Variants in NCLN observed in about 807,000 individuals in gnomAD.
NCLN encodes BOS complex subunit NCLN.
In NCLN, 34 loss-of-function variants were observed where a neutral mutation model predicts 69.5. That is an observed-to-expected ratio of 0.49 (90% CI 0.37 to 0.65). The LOEUF (loss-of-function observed/expected upper bound fraction) is 0.65. Among genes scored for constraint, NCLN ranks in the 30% least tolerant of loss-of-function variants. The probability of loss-of-function intolerance (pLI) is 0.00; values close to 1 mark genes in which losing one functional copy is unlikely to be tolerated. For missense variants in NCLN, 710 were observed against 804.8 expected (o/e 0.88, Z 1.42); for synonymous variants, 393 against 358.3 (o/e 1.10, Z -1.09).
chr19:3,187,563 C>T (rs772673954), intron 1 of NCLN, among the ~76,000 whole-genome samples: 3 of 152,208 alleles, frequency 2.0e-5, no homozygotes, highest in Non-Finnish European at 2.9e-5. Context: ...CCCAGAGTTA[C>T]GATTTTTTTA....
intron 5 of NCLN, among the ~76,000 whole-genome samples, chr19:3,199,103 G>T (rs766623165): frequency 1.3e-5 from 2 of 152,200 alleles, no homozygotes; most frequent in Non-Finnish European, 2.9e-5. Flanking sequence ...CCCCGGGGTC[G>T]CAGGTTCCAG....
chr19:3,191,768 C>T (rs1915833124), intron 1 of NCLN, among the ~76,000 whole-genome samples: 3 of 152,228 alleles, frequency 2.0e-5, no homozygotes. Context: ...GGTTGAGACA[C>T]AGACCGGAAA....
chr19:3,199,030 C>T, intron 5 of NCLN, 133 bp downstream of exon 5: 1 of 563,114 alleles, frequency 1.8e-6, no homozygotes, highest in Non-Finnish European at 2.8e-6. Flanking sequence ...CTTTGCCCGT[C>T]ATCCTGGTCC....
chr19:3,201,486 G>A lies in NCLN; in HGVS notation c.697-37G>A, dbSNP rs759045056. 1.5e-5 allele frequency: 22 copies of A among 1,473,968 alleles called. No homozygotes were observed. In the African/African-American group the frequency reaches 1.5e-4, roughly 10 times the overall value. 91.3% of individuals were successfully genotyped at this position (1,473,968 alleles called of 1,614,324 possible). A position where few individuals can be genotyped will look rare whatever the true frequency, so the allele number is the denominator to read the frequency against. On this transcript the variant is annotated intron_variant, in intron 5 of 14. Coordinates refer to ENST00000246117, the MANE Select transcript of NCLN (RefSeq NM_020170.4). ...AGGTCATGGGGTGCGGGAGCCGGGC[G>A]GGGGTGACTGTGGCCTTGCCTCTCC...
At chr19:3,202,929 C>T (rs890834067) in intron 6 of NCLN, among the ~76,000 whole-genome samples, 2 of 151,788 alleles carry the variant, frequency 1.3e-5, no homozygotes, top group Admixed American at 6.6e-5. Flanking sequence ...GGAGAGAGTC[C>T]GGGGCAGATG....
chr19:3,207,811 G>C lies in NCLN; in HGVS notation c.*123G>C. The stretch of plus-strand genomic sequence containing the variant: ...GACAGGGGCCCTCTCCCTCCCCGGC[G>C]GTGGTTGGAACACTGAATTACAGAG... On this transcript the variant is annotated 3_prime_UTR_variant, in exon 15 of 15. Transcript: ENST00000246117. 1 of 768,464 alleles carries C rather than the reference G, an allele frequency of 1.3e-6. No individual in the cohort carries two copies. The highest frequency in any genetic ancestry group is 2.2e-6 in the Non-Finnish European group (1 of 448,748). The allele number at this position is 768,464 out of a possible 1,614,324, so 47.6% of individuals were successfully genotyped here.
At chr19:3,207,565 A>G in intron 14 of NCLN, 64 bp from the exon 15 acceptor site, 2 of 1,609,266 alleles carry the variant, frequency 1.2e-6, no homozygotes, top group Non-Finnish European at 1.7e-6. Context: ...GGCTCAGCCT[A>G]GAGTCACATG....
intron 10 of NCLN, 54 bp from the exon 11 acceptor site, chr19:3,206,098 C>T (rs1916258478): frequency 1.9e-6 from 3 of 1,567,940 alleles, no homozygotes; most frequent in South Asian, 1.2e-5. Context: ...CACCCCTGGC[C>T]CCAGCCCCAC....
At chr19:3,199,036 G>T in intron 5 of NCLN, 139 bp downstream of exon 5, 1 of 549,954 alleles carries the variant, frequency 1.8e-6, no homozygotes, top group East Asian at 3.5e-5. Flanking sequence ...CCGTCATCCT[G>T]GTCCCCGCGA....
At chr19:3,199,810 C>T (rs1415568419) in intron 5 of NCLN, among the ~76,000 whole-genome samples, 1 of 149,138 alleles carries the variant, frequency 6.7e-6, no homozygotes, top group East Asian at 2.0e-4. Context: ...AAGCGATTCT[C>T]CTGCCTCAGT....
Position 3,197,473 on chromosome 19 carries a change from T to C in NCLN, c.615+1196T>C, listed in dbSNP as rs113584973. On this transcript the variant is annotated intron_variant, in intron 4 of 14. Coordinates refer to ENST00000246117, the MANE Select transcript of NCLN (RefSeq NM_020170.4). ...TTTTTGTTTTTTGAGACAGAGTCTC[T>C]CTCTGTCACCCAGGCTGGAGTGCAG... Among the ~76,000 whole-genome samples, 1,060 of 152,290 alleles carry C rather than the reference T, an allele frequency of 7.0e-3. 16 individuals carry two copies. Among genetic ancestry groups the C allele is most frequent in the African/African-American group, 0.024 (1,016 of 41,548 alleles).
chr19:3,204,262 C>A, intron 8 of NCLN, 118 bp downstream of exon 8: 1 of 1,261,562 alleles, frequency 7.9e-7, no homozygotes, highest in South Asian at 1.7e-5. Flanking sequence ...CTGAGGGCCA[C>A]ACTGTGTCGG....
Position 3,206,033 on chromosome 19 carries a change from C to T in NCLN, c.1296+7C>T. ...CTACAACCTGACAGAGAAGGTGAGC[C>T]CTGAGCCCTCTGTGCCGCCAGACCC... On this transcript the variant is annotated splice_region_variant and intron_variant, in intron 10 of 14. Coordinates refer to ENST00000246117, the MANE Select transcript of NCLN (RefSeq NM_020170.4). 2 of 1,612,386 alleles carry T rather than the reference C, an allele frequency of 1.2e-6. No homozygotes were observed. The highest frequency in any genetic ancestry group is 1.7e-6 in the Non-Finnish European group (2 of 1,179,938).
chr19:3,201,677 G>T, intron 6 of NCLN, 51 bp downstream of exon 6: 1 of 1,352,258 alleles, frequency 7.4e-7, no homozygotes, highest in Middle Eastern at 2.5e-4. Flanking sequence ...CACACTGCCG[G>T]ACAGCGCTGC....
chr19:3,196,535 A>G (rs311616), intron 4 of NCLN, among the ~76,000 whole-genome samples: 62,041 of 150,736 alleles, frequency 0.41, 12,913 homozygotes, highest in South Asian at 0.51. Flanking sequence ...TCCATCATGG[A>G]CCCCCACACA....
At position 3,187,727 on chromosome 19, in the gene NCLN, A is replaced by G. The variant is rs569897128; in HGVS notation, c.184+1513A>G. ...GCCCAGGACGGCCCCACCCCAGAGA[A>G]CGATCCGGCCCTAATGTCCACAGTG... On this transcript the variant is annotated intron_variant, in intron 1 of 14. Transcript: ENST00000246117. Among the ~76,000 whole-genome samples the G allele has an allele frequency of 2.6e-3, 391 of 152,262 alleles. 2 individuals carry two copies. The highest frequency in any genetic ancestry group is 8.3e-3 in the African/African-American group (347 of 41,560).
Position 3,205,594 on chromosome 19 carries a change from C to A in NCLN, c.1209-345C>A, listed in dbSNP as rs1206005912. Among the ~76,000 whole-genome samples, 1 of 152,226 alleles carries A rather than the reference C, an allele frequency of 6.6e-6. No individual in the cohort carries two copies. The highest frequency in any genetic ancestry group is 2.4e-5 in the African/African-American group (1 of 41,460). On this transcript the variant is annotated intron_variant, in intron 9 of 14. Transcript: ENST00000246117. This position sits in a 1 kb window ranked among gnomAD's most constrained non-coding sequence, Gnocchi z 4.6. ...CCAGGGGTCAGCCCAGGAGGGCCAC[C>A]TGGGATTTGCAGAGGGTCCCAGAAT...
rs774965633 is a variant in NCLN at position 3,204,601 on chromosome 19, G to C, written c.1058G>C (p.Arg353Pro). The stretch of plus-strand genomic sequence containing the variant: ...GCCGCGCACCAGTTCCCTGAGGTAC[G>C]GTTCTCCATGGTGCACAAGCGGATC... ...TVAAHQFPEVRFSMVHKRINL... is the reference protein window; with the variant it reads ...TVAAHQFPEVPFSMVHKRINL... Residue 353 changes from arginine (R) to proline (P), a missense_variant, in exon 9 of 15, where the codon CGG (arginine) becomes CCG (proline). Coordinates refer to ENST00000246117, the MANE Select transcript of NCLN (RefSeq NM_020170.4). The C allele has an allele frequency of 1.9e-6, 3 of 1,571,606 alleles. No homozygotes were observed. The highest frequency in any genetic ancestry group is 2.6e-6 in the Non-Finnish European group (3 of 1,159,570).
At chr19:3,186,900 C>T (rs148342909) in intron 1 of NCLN, among the ~76,000 whole-genome samples, 2 of 152,066 alleles carry the variant, frequency 1.3e-5, no homozygotes, top group Non-Finnish European at 2.9e-5. Flanking sequence ...CCGGCCCCCA[C>T]GTCAAGGGCA....
Sources: gnomAD v4.1 joint callset for allele counts (sites outside exome capture counted in the v4.1 genomes callset) on GRCh38, gnomAD v4.1.1 for gene constraint, Gnocchi (gnomAD v3.1) non-coding constraint, MANE v1.5 for transcripts, NCBI Gene and HGNC (gene_info 2026-07-23, HGNC 2026-07-21) for gene names.